The following TMEM232 variants were observed in gnomAD, a reference collection of about 807,000 sequenced individuals.
TMEM232 encodes transmembrane protein 232.
In TMEM232, 80 loss-of-function variants were observed where a neutral mutation model predicts 78.8. The observed-to-expected ratio is 1.01, with a 90% confidence interval of 0.85 to 1.22. TMEM232 has a LOEUF of 1.22. TMEM232 is among the 50% of genes most tolerant of loss of function. TMEM232 has a pLI of 0.00. For missense variants in TMEM232, 881 were observed against 742.2 expected, an observed-to-expected ratio of 1.19 and a Z score of -2.17; for synonymous variants, 297 against 254.3, an observed-to-expected ratio of 1.17 and a Z score of -1.60.
At chr5:110,487,283 G>T (rs188724314) in intron 12 of TMEM232, among the ~76,000 whole-genome samples, 1 of 151,934 alleles carries the variant, frequency 6.6e-6, no homozygotes, top group Admixed American at 6.6e-5. Flanking sequence ...TCCTGTTTAG[G>T]ATTTGGATGC....
chr5:110,682,496 G>A (rs767167031), intron 1 of TMEM232, among the ~76,000 whole-genome samples: 1 of 152,068 alleles, frequency 6.6e-6, no homozygotes, highest in African/African-American at 2.4e-5. Context: ...ATGGTCTAAA[G>A]TAGCTGCCAC....
chr5:110,439,096 A>T (rs987032348), intron 12 of TMEM232, among the ~76,000 whole-genome samples: 1 of 152,132 alleles, frequency 6.6e-6, no homozygotes, highest in African/African-American at 2.4e-5. Flanking sequence ...CAAACATTAG[A>T]TTTACTGTCT....
intron 12 of TMEM232, among the ~76,000 whole-genome samples, chr5:110,520,883 A>G (rs573507939): frequency 1.3e-5 from 2 of 152,282 alleles, no homozygotes; most frequent in South Asian, 4.2e-4. Context: ...GCACCATTGC[A>G]CTACAGCCTG....
chr5:110,673,895 C>T (rs558704167), intron 1 of TMEM232, among the ~76,000 whole-genome samples: 4 of 148,570 alleles, frequency 2.7e-5, no homozygotes, highest in South Asian at 2.1e-4. Context: ...TTTACTTTTG[C>T]TTTTTGTGAT....
At chr5:110,406,362 G>T (rs1045231588) in intron 2 of TMEM232, among the ~76,000 whole-genome samples, 3 of 149,294 alleles carry the variant, frequency 2.0e-5, no homozygotes, top group African/African-American at 7.4e-5. Flanking sequence ...GGACATTTAG[G>T]TTGATTCTGT....
At chr5:110,523,595 G>C (rs1769883015) in intron 12 of TMEM232, among the ~76,000 whole-genome samples, 1 of 151,840 alleles carries the variant, frequency 6.6e-6, no homozygotes, top group Non-Finnish European at 1.5e-5. Context: ...TTTACTCAAG[G>C]TATTGCCTAA....
At chr5:110,467,477 G>A (rs1380201949) in intron 12 of TMEM232, among the ~76,000 whole-genome samples, 1 of 152,134 alleles carries the variant, frequency 6.6e-6, no homozygotes, top group Non-Finnish European at 1.5e-5. Context: ...ATGCAGTTGG[G>A]CAGCTAATAC....
At position 110,410,158 on chromosome 5, in the gene TMEM232, C is replaced by A. The variant is rs548592666; in HGVS notation, n.309-12304G>T. Reference sequence around the variant, plus strand: ...GCTAGAATACAGCCTGCTTTCCTTTCTCACCAAGTTCCAGCATGGAACTCT... The same window carrying A: ...GCTAGAATACAGCCTGCTTTCCTTTATCACCAAGTTCCAGCATGGAACTCT... On this transcript the variant is annotated intron_variant and non_coding_transcript_variant, in intron 2 of 8. Transcript: ENST00000507188. Among the ~76,000 whole-genome samples, 15 of 152,020 alleles carry A rather than the reference C, an allele frequency of 9.9e-5. No homozygotes were observed. The South Asian group carries it at 1.9e-3, about 19-fold the overall frequency.
chr5:110,443,457 G>A (rs953220222), intron 12 of TMEM232, among the ~76,000 whole-genome samples: 2 of 152,050 alleles, frequency 1.3e-5, no homozygotes, highest in Admixed American at 6.6e-5. Flanking sequence ...ATTATCCCAC[G>A]CCTAGGACTC....
chr5:110,522,267 T>G (rs1168999616), intron 12 of TMEM232, among the ~76,000 whole-genome samples: 7 of 152,204 alleles, frequency 4.6e-5, no homozygotes, highest in Non-Finnish European at 8.8e-5. Flanking sequence ...ATTTGTTGAC[T>G]CTGTATCCTG....
At chr5:110,629,238 G>GA (rs1056846327) in intron 5 of TMEM232, among the ~76,000 whole-genome samples, 11 of 151,556 alleles carry the variant, frequency 7.3e-5, no homozygotes, top group South Asian at 6.2e-4. Context: ...GATAAATACT[G>GA]AAAAAAAATA....
intron 1 of TMEM232, among the ~76,000 whole-genome samples, chr5:110,698,298 A>C (rs112065409): frequency 6.7e-6 from 1 of 149,980 alleles, no homozygotes. Flanking sequence ...GGGTGGGTGG[A>C]GGGGGAGGGA....
intron 12 of TMEM232, among the ~76,000 whole-genome samples, chr5:110,488,989 A>G (rs1245433554): frequency 1.3e-5 from 2 of 151,928 alleles, no homozygotes; most frequent in East Asian, 3.9e-4. Flanking sequence ...ACCAAAAACT[A>G]GAGAAAATGA....
intron 12 of TMEM232, among the ~76,000 whole-genome samples, chr5:110,516,213 T>G (rs982646164): frequency 1.3e-5 from 2 of 152,244 alleles, no homozygotes; most frequent in East Asian, 3.9e-4. Context: ...CACTTCAGCC[T>G]GGGCAACAGA....
At chr5:110,644,554 T>G (rs1028219148) in intron 2 of TMEM232, among the ~76,000 whole-genome samples, 1 of 151,794 alleles carries the variant, frequency 6.6e-6, no homozygotes, top group African/African-American at 2.4e-5. Context: ...CCTTTCTCAG[T>G]GCTCACAAAC....
chr5:110,684,202 T>C (rs1198593714), intron 1 of TMEM232, among the ~76,000 whole-genome samples: 1 of 151,886 alleles, frequency 6.6e-6, no homozygotes, highest in African/African-American at 2.4e-5. Context: ...TAATAGGCAG[T>C]TGCAGTCAAG....
intron 2 of TMEM232, among the ~76,000 whole-genome samples, chr5:110,657,812 T>C (rs1337922704): frequency 6.6e-6 from 1 of 152,132 alleles, no homozygotes; most frequent in African/African-American, 2.4e-5. Context: ...AACAGCAGTT[T>C]CATTAGAGAA....
intron 11 of TMEM232, among the ~76,000 whole-genome samples, chr5:110,562,650 G>A (rs1185877962): frequency 2.0e-5 from 3 of 151,962 alleles, no homozygotes; most frequent in Non-Finnish European, 4.4e-5. Flanking sequence ...TTCTGGATGA[G>A]ACAATAAAGC....
intron 2 of TMEM232, among the ~76,000 whole-genome samples, chr5:110,649,724 C>T (rs1788028718): frequency 6.6e-6 from 1 of 152,138 alleles, no homozygotes; most frequent in South Asian, 2.1e-4. Flanking sequence ...TATGAAGGGC[C>T]TTACATTCAT....
Sources: allele counts gnomAD v4.1 joint callset (sites outside exome capture counted in the v4.1 genomes callset), GRCh38; gene constraint gnomAD v4.1.1; transcripts MANE v1.5; gene names NCBI Gene and HGNC (gene_info 2026-07-23, HGNC 2026-07-21).